ESR2: variants seen among roughly 807,000 people sequenced by gnomAD.
The protein encoded by ESR2 is estrogen receptor 2, also known as estrogen receptor beta.
Under a neutral mutation model 49.6 loss-of-function variants are expected in ESR2, and 36 were observed. The ratio of observed to expected loss-of-function variants is 0.73; its 90% CI spans 0.56 to 0.96. The LOEUF (loss-of-function observed/expected upper bound fraction) is 0.96. Among genes scored for constraint, ESR2 ranks in the 40% least tolerant of loss-of-function variants. The pLI, the probability that ESR2 is intolerant of heterozygous loss-of-function variation, is 0.00. For synonymous variants in ESR2, 320 were observed against 266.1 expected (o/e 1.20, Z -1.97); for missense variants, 714 against 693.0 (o/e 1.03, Z -0.34).
chr14:64,288,576 TTGACCTCG>T (rs2076819378), intron 1 of ESR2, among the ~76,000 whole-genome samples: 1 of 151,934 alleles, frequency 6.6e-6, no homozygotes, highest in African/African-American at 2.4e-5. Flanking sequence ...TCTTGATCTC[TTGACCTCG>T]TGACCCGCCC....
At chr14:64,302,481 C>T (rs1483485694) in intron 1 of ESR2, among the ~76,000 whole-genome samples, 1 of 152,018 alleles carries the variant, frequency 6.6e-6, no homozygotes, top group Non-Finnish European at 1.5e-5. Context: ...GGCACCGCGC[C>T]CGGCCTCACC....
intron 2 of ESR2, 21 bp downstream of exon 2, chr14:64,282,603 C>T (rs1437830976): frequency 3.2e-6 from 5 of 1,562,958 alleles, no homozygotes; most frequent in Non-Finnish European, 4.3e-6. Flanking sequence ...AACTATAATT[C>T]AGAATGAAGA....
chr14:64,302,321 G>C (rs1454128434), intron 1 of ESR2, among the ~76,000 whole-genome samples: 1 of 151,732 alleles, frequency 6.6e-6, no homozygotes, highest in Non-Finnish European at 1.5e-5. Flanking sequence ...CAAATAGCTG[G>C]GACTACAGGC....
chr14:64,259,901 G>T (rs373759949), intron 5 of ESR2, among the ~76,000 whole-genome samples: 1 of 152,066 alleles, frequency 6.6e-6, no homozygotes, highest in African/African-American at 2.4e-5. Context: ...TTCAAGGTGA[G>T]GAATCCACAG....
intron 2 of ESR2, among the ~76,000 whole-genome samples, chr14:64,282,028 C>A (rs1434880853): frequency 6.6e-6 from 1 of 152,076 alleles, no homozygotes; most frequent in Non-Finnish European, 1.5e-5. Context: ...TTTTCAAATC[C>A]AAATAACTCC....
chr14:64,261,345 C>G (rs1323076332), intron 4 of ESR2, among the ~76,000 whole-genome samples: 1 of 145,608 alleles, frequency 6.9e-6, no homozygotes, highest in Non-Finnish European at 1.5e-5. Context: ...TCACGCCATT[C>G]TCCTGCCTCA....
At chr14:64,292,668 G>T (rs2076891645) in intron 1 of ESR2, among the ~76,000 whole-genome samples, 1 of 152,060 alleles carries the variant, frequency 6.6e-6, no homozygotes, top group Non-Finnish European at 1.5e-5. Flanking sequence ...ACGACTCAAA[G>T]CATCACCTAA....
chr14:64,325,030 G>C (rs984678786), intron 1 of ESR2, among the ~76,000 whole-genome samples: 1 of 152,122 alleles, frequency 6.6e-6, no homozygotes, highest in African/African-American at 2.4e-5. Context: ...TGAGTCACAG[G>C]GTAGGATATA....
rs2098726250 is a variant in ESR2, at chr14:64,230,611, G to GA, written c.*2525dup. ...TTGTGTTCCCGCCTTAATTTTTTGA[G>GA]AAAAATCCCTTCAAGACTATTTTAG... On this transcript the variant is annotated 3_prime_UTR_variant, in exon 9 of 9. Transcript: ENST00000341099. Among the ~76,000 whole-genome samples the GA allele has an allele frequency of 6.6e-6, 1 of 151,902 alleles. No homozygotes were observed. Among genetic ancestry groups the GA allele is most frequent in the Non-Finnish European group, 1.5e-5 (1 of 67,976 alleles).
At chr14:64,238,755 T>TAA (rs34179608) in intron 7 of ESR2, among the ~76,000 whole-genome samples, 83 of 142,634 alleles carry the variant, frequency 5.8e-4, no homozygotes, top group African/African-American at 1.8e-3. Flanking sequence ...AAGTATAGTT[T>TAA]AAAAAAAAAA....
At chr14:64,251,181 A>G (rs1228324938) in intron 6 of ESR2, among the ~76,000 whole-genome samples, 1 of 152,142 alleles carries the variant, frequency 6.6e-6, no homozygotes, top group Non-Finnish European at 1.5e-5. Flanking sequence ...CAAGCCCTGC[A>G]CAGAGATAAC....
At chr14:64,246,803 C>T (rs939399259) in intron 7 of ESR2, among the ~76,000 whole-genome samples, 1 of 125,730 alleles carries the variant, frequency 8.0e-6, no homozygotes, top group African/African-American at 3.1e-5. Flanking sequence ...TGCACATCAA[C>T]ATAATCATCA....
downstream of ESR2, chr14:64,227,859 T>A: frequency 1.9e-6 from 3 of 1,594,480 alleles, no homozygotes; most frequent in Non-Finnish European, 2.5e-6. Flanking sequence ...ATTGCCCACA[T>A]GCAAGGGACA....
intron 1 of ESR2, among the ~76,000 whole-genome samples, chr14:64,324,820 A>T (rs1054752430): frequency 3.9e-5 from 6 of 152,246 alleles, no homozygotes; most frequent in African/African-American, 1.4e-4. Flanking sequence ...ACATTTAAAA[A>T]TTAATTTAAA....
chr14:64,227,359 A>ATTGT, downstream of ESR2: 1 of 688,390 alleles, frequency 1.5e-6, no homozygotes, highest in Non-Finnish European at 2.4e-6. Context: ...CAGTTATCAA[A>ATTGT]TTGTTGGATT....
In ESR2 at chr14:64,280,121, C is replaced by T. The variant is rs200062531; in HGVS notation, c.395G>A (p.Arg132His). Residue 132 changes from arginine to histidine, a missense_variant, in exon 3 of 9, where the codon CGT becomes CAT. Arg to His is a conservative substitution (Grantham distance 29). Transcript: ENST00000341099. ...TGGACCAGTAACAGGGCTGGCGCAA[C>T]GGTTCCCACTAACCTTCCTTTTCAG... ...ETLKRKVSGN[R>H]CASPVTGPGS... 1.3e-4 allele frequency: 207 copies of T among 1,613,990 alleles called. 1 individual carries two copies. The Admixed American group carries it at 2.4e-3, about 19-fold the overall frequency.
chr14:64,323,316 T>C (rs1410880117), intron 1 of ESR2, among the ~76,000 whole-genome samples: 1 of 152,148 alleles, frequency 6.6e-6, no homozygotes, highest in Admixed American at 6.5e-5. Flanking sequence ...CAAATGATTC[T>C]CCCACCTCAG....
chr14:64,289,006 A>C (rs2076827431), intron 1 of ESR2, among the ~76,000 whole-genome samples: 1 of 148,750 alleles, frequency 6.7e-6, no homozygotes. Context: ...AAAAAAAAAA[A>C]GGTCAGCCAC....
At chr14:64,308,337 A>G (rs750890541) in intron 1 of ESR2, among the ~76,000 whole-genome samples, 2 of 152,160 alleles carry the variant, frequency 1.3e-5, no homozygotes, top group Non-Finnish European at 2.9e-5. Context: ...ATAGGCATTT[A>G]GTGCTACAAG....
Sources: gnomAD v4.1 joint callset for allele counts (sites outside exome capture counted in the v4.1 genomes callset) on GRCh38, gnomAD v4.1.1 for gene constraint, MANE v1.5 for transcripts, NCBI Gene and HGNC (gene_info 2026-07-23, HGNC 2026-07-21) for gene names.